Variants in SORBS2 observed in about 807,000 individuals in gnomAD.
SORBS2 encodes the protein sorbin and SH3 domain-containing protein 2.
In SORBS2, 46 loss-of-function variants were observed where a neutral mutation model predicts 97.7. The ratio of observed to expected loss-of-function variants is 0.47; its 90% CI spans 0.37 to 0.60. The LOEUF is 0.60. SORBS2 is among the 20% of genes least tolerant of loss of function. SORBS2 has a pLI of 0.00. For synonymous variants in SORBS2, 476 were observed against 473.4 expected (o/e 1.01, Z -0.07); for missense variants, 1,316 against 1,282.3 (o/e 1.03, Z -0.40).
chr4:185,761,240 T>G (rs2098887978), intron 2 of SORBS2, among the ~76,000 whole-genome samples: 1 of 152,232 alleles, frequency 6.6e-6, no homozygotes, highest in African/African-American at 2.4e-5. Context: ...TATCCCTCTG[T>G]TAGACTTTTT....
chr4:185,620,924 A>T (rs1013437561), intron 7 of SORBS2, among the ~76,000 whole-genome samples: 1 of 152,244 alleles, frequency 6.6e-6, no homozygotes, highest in African/African-American at 2.4e-5. Context: ...AAAGCAAAGC[A>T]TAAATAATCA....
intron 12 of SORBS2, 164 bp from the exon 25 acceptor site, chr4:185,594,099 T>A: frequency 1.7e-6 from 1 of 581,734 alleles, no homozygotes; most frequent in Non-Finnish European, 3.0e-6. Context: ...GATTAATAAT[T>A]AAAATATTTA....
chr4:185,923,540 G>A (rs916282128), intron 1 of SORBS2, among the ~76,000 whole-genome samples: 1 of 143,128 alleles, frequency 7.0e-6, no homozygotes, highest in Non-Finnish European at 1.5e-5. Context: ...CTGGCCTCAA[G>A]CAATCTTCCT....
intron 2 of SORBS2, among the ~76,000 whole-genome samples, chr4:185,709,313 T>TTTTTTTTTTTTTTTTTTTTTTTTTA (rs2098394792): frequency 6.9e-6 from 1 of 145,910 alleles, no homozygotes; most frequent in Non-Finnish European, 1.5e-5. Context: ...TCTTTTTTTT[T>TTTTTTTTTTTTTTTTTTTTTTTTTA]TTTTTTTTTT....
At chr4:185,627,861 G>A (rs1047673205) in intron 5 of SORBS2, among the ~76,000 whole-genome samples, 1 of 143,650 alleles carries the variant, frequency 7.0e-6, no homozygotes, top group African/African-American at 2.5e-5. Context: ...GCTCATCCTG[G>A]CACCCACTGA....
chr4:185,771,566 C>A (rs1192814648), intron 2 of SORBS2: 1 of 152,230 alleles, frequency 6.6e-6, no homozygotes, highest in Non-Finnish European at 1.5e-5. Flanking sequence ...TTATTGCTAG[C>A]TTTTCCAGTG....
chr4:185,867,584 G>C (rs183989378), intron 1 of SORBS2, among the ~76,000 whole-genome samples: 1 of 152,154 alleles, frequency 6.6e-6, no homozygotes, highest in Non-Finnish European at 1.5e-5. Context: ...CACATTTCTT[G>C]TTTAAGTCAG....
At chr4:185,637,629 C>A (rs75138355) in intron 4 of SORBS2, among the ~76,000 whole-genome samples, 1 of 151,990 alleles carries the variant, frequency 6.6e-6, no homozygotes, top group African/African-American at 2.4e-5. Context: ...TTCTTCTTGG[C>A]GGGACATCAG....
chr4:185,898,440 A>G (rs1277447551), intron 1 of SORBS2, among the ~76,000 whole-genome samples: 2 of 152,244 alleles, frequency 1.3e-5, no homozygotes, highest in African/African-American at 2.4e-5. Context: ...TCCCAAACAT[A>G]TATTTAGAAG....
intron 2 of SORBS2, among the ~76,000 whole-genome samples, chr4:185,710,119 T>C (rs62334778): frequency 1.0e-5 from 1 of 98,702 alleles, no homozygotes; most frequent in African/African-American, 3.2e-5. Flanking sequence ...TTTCCCAAGG[T>C]TGAAGATCCC....
chr4:185,689,528 C>T (rs1334645182), intron 2 of SORBS2, among the ~76,000 whole-genome samples: 2 of 152,190 alleles, frequency 1.3e-5, no homozygotes, highest in African/African-American at 4.8e-5. Flanking sequence ...TGTGTTTTGA[C>T]TGTCTCCAGT....
At chr4:185,712,523 C>T (rs2098430635) in intron 2 of SORBS2, among the ~76,000 whole-genome samples, 1 of 152,270 alleles carries the variant, frequency 6.6e-6, no homozygotes, top group African/African-American at 2.4e-5. Context: ...GGCCTTTGCC[C>T]TCGCTGGCGG....
chr4:185,858,072 T>C (rs140041631), intron 1 of SORBS2, among the ~76,000 whole-genome samples: 1 of 152,338 alleles, frequency 6.6e-6, no homozygotes, highest in East Asian at 1.9e-4. Context: ...TCGCTGGTTT[T>C]GCAGCTCGAG....
chr4:185,611,775 C>A lies in SORBS2; in HGVS notation c.2796+5G>T. 1 of 1,611,636 alleles carries A rather than the reference C, an allele frequency of 6.2e-7. No individual in the cohort carries two copies. The highest frequency in any genetic ancestry group is 8.5e-7 in the Non-Finnish European group (1 of 1,177,834). Reference sequence around the variant, plus strand: ...TTACATTAACATGATAGAGTATGTTCTTACCTTATTTGAGCTCAAGCTGTG... The same window carrying A: ...TTACATTAACATGATAGAGTATGTTATTACCTTATTTGAGCTCAAGCTGTG... On this transcript the variant is annotated splice_donor_5th_base_variant and intron_variant, in intron 12 of 14. Coordinates refer to ENST00000418609, the Ensembl canonical transcript of SORBS2.
intron 1 of SORBS2, among the ~76,000 whole-genome samples, chr4:185,853,430 C>T (rs1434159109): frequency 6.6e-6 from 1 of 152,056 alleles, no homozygotes; most frequent in Non-Finnish European, 1.5e-5. Flanking sequence ...TCTACGACAC[C>T]CCAAATGCAC....
At chr4:185,801,665 CAT>C (rs1491109500) in intron 1 of SORBS2, among the ~76,000 whole-genome samples, 3 of 53,330 alleles carry the variant, frequency 5.6e-5, no homozygotes, top group Non-Finnish European at 8.9e-5. Context: ...TTAACTGAAT[CAT>C]CTCTCTCTCT....
chr4:185,592,527 A>G (rs1465555975), intron 13 of SORBS2, among the ~76,000 whole-genome samples: 1 of 152,140 alleles, frequency 6.6e-6, no homozygotes, highest in Non-Finnish European at 1.5e-5. Flanking sequence ...GACAAGTCGT[A>G]TTTAGTGTTT....
intron 1 of SORBS2, among the ~76,000 whole-genome samples, chr4:185,804,467 A>G (rs530215493): frequency 1.7e-4 from 26 of 152,244 alleles, no homozygotes; most frequent in Non-Finnish European, 3.7e-4. Flanking sequence ...TACAACATGT[A>G]AAGTGGTATC....
At chr4:185,638,056 A>G in intron 4 of SORBS2, 23 bp downstream of exon 15, 1 of 1,374,336 alleles carries the variant, frequency 7.3e-7, no homozygotes, top group South Asian at 1.2e-5. Context: ...GTTTTCTTAT[A>G]TTAATAGTCT....
Sources: allele counts gnomAD v4.1 joint callset (sites outside exome capture counted in the v4.1 genomes callset), GRCh38; gene constraint gnomAD v4.1.1; transcripts MANE v1.5; gene names NCBI Gene and HGNC (gene_info 2026-07-23, HGNC 2026-07-21).